The following SERPINI1 variants were observed in gnomAD, a reference collection of about 807,000 sequenced individuals.
SERPINI1 encodes the protein serpin family I member 1, also known as neuroserpin.
Under a neutral mutation model 41.1 loss-of-function variants are expected in SERPINI1, and 19 were observed. The ratio of observed to expected loss-of-function variants is 0.46; its 90% confidence interval spans 0.32 to 0.68. The LOEUF is 0.68. Among genes scored for constraint, SERPINI1 ranks in the 30% least tolerant of loss-of-function variants. SERPINI1 has a pLI of 0.03. For synonymous variants in SERPINI1, 138 were observed against 156.6 expected (o/e 0.88, Z 0.89); for missense variants, 460 against 479.2 (o/e 0.96, Z 0.37).
intron 1 of SERPINI1, among the ~76,000 whole-genome samples, chr3:167,774,226 T>A (rs1381840006): frequency 1.3e-5 from 2 of 152,194 alleles, no homozygotes. Context: ...TTGAGGCATA[T>A]GAGGTTGCCA....
At chr3:167,815,506 T>C (rs1398402116) in intron 6 of SERPINI1, among the ~76,000 whole-genome samples, 1 of 151,994 alleles carries the variant, frequency 6.6e-6, no homozygotes, top group East Asian at 1.9e-4. Context: ...TCTCTGGCCT[T>C]AGCCTCCTGA....
intron 1 of SERPINI1, among the ~76,000 whole-genome samples, chr3:167,756,699 T>G (rs1726204354): frequency 6.6e-6 from 1 of 152,166 alleles, no homozygotes; most frequent in Admixed American, 6.5e-5. Flanking sequence ...AAAATATATA[T>G]AAGCATATGC....
chr3:167,760,714 T>A (rs1726349698), intron 1 of SERPINI1, among the ~76,000 whole-genome samples: 1 of 152,120 alleles, frequency 6.6e-6, no homozygotes, highest in East Asian at 1.9e-4. Context: ...GCAATTCAGA[T>A]TACCTGAACT....
chr3:167,766,008 A>G (rs2108542654), intron 1 of SERPINI1, among the ~76,000 whole-genome samples: 1 of 152,224 alleles, frequency 6.6e-6, no homozygotes, highest in African/African-American at 2.4e-5. Context: ...AAAGCAATTC[A>G]ACAAGTCTCT....
Position 167,825,431 on chromosome 3 carries a change from A to G in SERPINI1, c.*108A>G, listed in dbSNP as rs1242667597. On this transcript the variant is annotated 3_prime_UTR_variant, in exon 9 of 9. Coordinates refer to ENST00000446050, the MANE Select transcript of SERPINI1 (RefSeq NM_001122752.2). ...CAGTATATCTTAAGATAATATTTAAAATAGTTCCAGATAAAAACAATATAT... is the reference window on the plus strand; with the variant it reads ...CAGTATATCTTAAGATAATATTTAAGATAGTTCCAGATAAAAACAATATAT... 9.3e-6 allele frequency: 7 copies of G among 751,430 alleles called. No homozygotes were observed. Among genetic ancestry groups the G allele is most frequent in the African/African-American group, 1.8e-5 (1 of 56,816 alleles). 46.5% of individuals were successfully genotyped at this position (751,430 alleles called of 1,614,324 possible).
intron 1 of SERPINI1, among the ~76,000 whole-genome samples, chr3:167,782,799 G>A (rs1044249770): frequency 2.0e-5 from 3 of 152,192 alleles, no homozygotes; most frequent in African/African-American, 7.2e-5. Context: ...ACCTTGAGAA[G>A]TGCTTTGGAT....
intron 1 of SERPINI1, among the ~76,000 whole-genome samples, chr3:167,763,768 G>C (rs10049059): frequency 3.9e-5 from 6 of 152,082 alleles, no homozygotes; most frequent in African/African-American, 1.4e-4. Context: ...CCCCAAACTG[G>C]ATTTTAACCA....
At chr3:167,802,492 A>T (rs1162377641) in intron 5 of SERPINI1, among the ~76,000 whole-genome samples, 2 of 151,368 alleles carry the variant, frequency 1.3e-5, no homozygotes, top group Admixed American at 1.3e-4. Context: ...TTCTCAAAAG[A>T]AGACATTTAT....
At chr3:167,772,862 C>CTCTCTCTCTCTCTCTCTT (rs1553772911) in intron 1 of SERPINI1, among the ~76,000 whole-genome samples, 3 of 23,632 alleles carry the variant, frequency 1.3e-4, no homozygotes, top group African/African-American at 4.9e-4. Context: ...CTCTCTCTCT[C>CTCTCTCTCTCTCTCTCTT]TCTATATATA....
At chr3:167,789,656 G>C (rs1291625254) in intron 2 of SERPINI1, among the ~76,000 whole-genome samples, 1 of 152,138 alleles carries the variant, frequency 6.6e-6, no homozygotes, top group Non-Finnish European at 1.5e-5. Flanking sequence ...GGAGTTTTCA[G>C]TGTAGAGAGA....
chr3:167,759,400 G>GAATATATATATATATATATATA (rs1553771738), intron 1 of SERPINI1, among the ~76,000 whole-genome samples: 1 of 121,118 alleles, frequency 8.3e-6, no homozygotes, highest in Non-Finnish European at 1.8e-5. Context: ...AGAAAATGTG[G>GAATATATATATATATATATATA]TATATATATA....
chr3:167,810,221 G>GT (rs1264115599), intron 6 of SERPINI1, among the ~76,000 whole-genome samples: 2 of 151,950 alleles, frequency 1.3e-5, no homozygotes, highest in African/African-American at 4.8e-5. Context: ...CATATGTCTA[G>GT]TTTTTTCCTC....
chr3:167,772,864 C>CTCTCTATATATATATATA (rs1374013676), intron 1 of SERPINI1, among the ~76,000 whole-genome samples: 27 of 24,620 alleles, frequency 1.1e-3, no homozygotes, highest in East Asian at 6.8e-3. Flanking sequence ...CTCTCTCTCT[C>CTCTCTATATATATATATA]TATATATATA....
intron 1 of SERPINI1, among the ~76,000 whole-genome samples, chr3:167,754,933 G>A (rs552927047): frequency 8.5e-5 from 13 of 152,128 alleles, no homozygotes; most frequent in Admixed American, 8.5e-4. Flanking sequence ...TGACCACCTA[G>A]TTGGCCTCCT....
At chr3:167,820,663 T>TGCAGGCCTGCAGGCGCCGCTCAGC (rs1712288652) in intron 6 of SERPINI1, among the ~76,000 whole-genome samples, 5 of 152,148 alleles carry the variant, frequency 3.3e-5, no homozygotes, top group African/African-American at 1.2e-4. Context: ...GGCAGCTCAG[T>TGCAGGCCTGCAGGCGCCGCTCAGC]GCAGGCCTGC....
At chr3:167,752,409 C>T (rs1220567745) in intron 1 of SERPINI1, among the ~76,000 whole-genome samples, 1 of 152,170 alleles carries the variant, frequency 6.6e-6, no homozygotes, top group Admixed American at 6.5e-5. Flanking sequence ...GACAGCTCCA[C>T]CTACCTACCC....
intron 6 of SERPINI1, among the ~76,000 whole-genome samples, chr3:167,817,201 G>A (rs982451525): frequency 1.3e-5 from 2 of 152,146 alleles, no homozygotes; most frequent in Non-Finnish European, 2.9e-5. Flanking sequence ...AACATCCATT[G>A]AAATTCATTC....
chr3:167,744,795 T>TA (rs1725808666), intron 1 of SERPINI1, among the ~76,000 whole-genome samples: 2 of 126,798 alleles, frequency 1.6e-5, no homozygotes, highest in South Asian at 4.4e-4. Flanking sequence ...TGGTTATATA[T>TA]ATATATAATA....
intron 1 of SERPINI1, among the ~76,000 whole-genome samples, chr3:167,753,960 T>C (rs896765189): frequency 6.6e-6 from 1 of 152,224 alleles, no homozygotes; most frequent in African/African-American, 2.4e-5. Flanking sequence ...TTTAAAGGCA[T>C]TTGCTAGCCC....
Sources: allele counts gnomAD v4.1 joint callset (sites outside exome capture counted in the v4.1 genomes callset), GRCh38; gene constraint gnomAD v4.1.1; transcripts MANE v1.5; gene names NCBI Gene and HGNC (gene_info 2026-07-23, HGNC 2026-07-21).